BTBD9: variants seen among roughly 807,000 people sequenced by gnomAD.
BTBD9 encodes the protein BTB/POZ domain-containing protein 9.
In BTBD9, 49 loss-of-function variants were observed where a neutral mutation model predicts 64.3. That is an observed-to-expected ratio of 0.76 (90% CI 0.61 to 0.97). BTBD9 has a LOEUF of 0.97. Among genes scored for constraint, BTBD9 ranks in the 50% least tolerant of loss-of-function variants. The pLI is 0.00. For synonymous variants in BTBD9, 260 were observed against 274.7 expected, an observed-to-expected ratio of 0.95 and a Z score of 0.53; for missense variants, 598 against 762.1, an observed-to-expected ratio of 0.78 and a Z score of 2.53.
At chr6:38,408,694 A>G (rs2127254088) in intron 6 of BTBD9, among the ~76,000 whole-genome samples, 1 of 152,346 alleles carries the variant, frequency 6.6e-6, no homozygotes, top group South Asian at 2.1e-4. Flanking sequence ...AGAATCAACA[A>G]AAAAAGAATA....
chr6:38,495,903 TTTAAGTA>T (rs1273352307), intron 6 of BTBD9, among the ~76,000 whole-genome samples: 2 of 152,204 alleles, frequency 1.3e-5, no homozygotes, highest in African/African-American at 4.8e-5. Context: ...TTTCTTCATG[TTTAAGTA>T]TTAAGAGCAG....
chr6:38,527,145 A>T (rs1039450198), intron 6 of BTBD9, among the ~76,000 whole-genome samples: 3 of 151,628 alleles, frequency 2.0e-5, no homozygotes, highest in South Asian at 2.1e-4. Context: ...GCATGGTGGC[A>T]TGTACCTGTA....
intron 10 of BTBD9, among the ~76,000 whole-genome samples, chr6:38,189,715 C>T (rs755870768): frequency 3.3e-5 from 5 of 151,886 alleles, no homozygotes; most frequent in African/African-American, 7.2e-5. Context: ...GTTCTGTTGC[C>T]GAGGCTGGAG....
At chr6:38,363,340 T>G (rs1259959033) in intron 6 of BTBD9, among the ~76,000 whole-genome samples, 1 of 152,202 alleles carries the variant, frequency 6.6e-6, no homozygotes, top group African/African-American at 2.4e-5. Context: ...GGAGGACTGC[T>G]TGAGGCCAGG....
chr6:38,500,527 C>T (rs568310178), intron 6 of BTBD9, among the ~76,000 whole-genome samples: 2 of 152,310 alleles, frequency 1.3e-5, no homozygotes, highest in East Asian at 1.9e-4. Context: ...TCACTCCTCC[C>T]TTTGCACTAT....
intron 6 of BTBD9, among the ~76,000 whole-genome samples, chr6:38,530,070 A>G (rs1179884171): frequency 6.6e-6 from 1 of 152,130 alleles, no homozygotes; most frequent in African/African-American, 2.4e-5. Context: ...AGGTCTATAA[A>G]CAGCCACTCT....
chr6:38,505,621 C>T (rs962072150), intron 6 of BTBD9, among the ~76,000 whole-genome samples: 1 of 148,406 alleles, frequency 6.7e-6, no homozygotes, highest in African/African-American at 2.5e-5. Flanking sequence ...GAGACTCTGT[C>T]TCAAGAAAAA....
At chr6:38,349,410 T>TC (rs1764413518) in intron 6 of BTBD9, among the ~76,000 whole-genome samples, 1 of 152,044 alleles carries the variant, frequency 6.6e-6, no homozygotes, top group African/African-American at 2.4e-5. Context: ...CAGTAGTTAG[T>TC]CCCCCCTTAT....
rs1196845559 is a variant in BTBD9, at chr6:38,353,638, A to G, written c.1155-8545T>C. 3.3e-5 allele frequency among the ~76,000 whole-genome samples: 5 copies of G among 152,302 alleles called. No homozygotes were observed. In the East Asian group the frequency reaches 9.6e-4, roughly 29 times the overall value. ...AATTTACCAAAAGTTCAACATTTGC[A>G]TTTTTTCACTACTTTTCCCCTAGCC... On this transcript the variant is annotated intron_variant, in intron 6 of 10. Transcript: ENST00000481247.
intron 6 of BTBD9, among the ~76,000 whole-genome samples, chr6:38,548,203 A>T (rs181039348): frequency 6.6e-6 from 1 of 152,320 alleles, no homozygotes; most frequent in African/African-American, 2.4e-5. Flanking sequence ...ATTTTCAGTA[A>T]GAAGTGATAG....
intron 7 of BTBD9, among the ~76,000 whole-genome samples, chr6:38,329,323 CTTTTTTTT>C (rs201597571): frequency 3.0e-5 from 4 of 132,712 alleles, no homozygotes; most frequent in Non-Finnish European, 6.6e-5. Flanking sequence ...CCTTTTTTTC[CTTTTTTTT>C]TTTTTTTTTG....
At chr6:38,567,680 G>A (rs1775583449) in intron 6 of BTBD9, among the ~76,000 whole-genome samples, 1 of 152,106 alleles carries the variant, frequency 6.6e-6, no homozygotes, top group Non-Finnish European at 1.5e-5. Flanking sequence ...CAAGCAATCT[G>A]GTTTTACTTC....
At chr6:38,425,096 G>A (rs1015084008) in intron 6 of BTBD9, among the ~76,000 whole-genome samples, 11 of 143,564 alleles carry the variant, frequency 7.7e-5, no homozygotes, top group Non-Finnish European at 1.2e-4. Context: ...GATTACAGGT[G>A]TGAGCCACCG....
chr6:38,379,807 AC>A (rs1765854369), intron 6 of BTBD9, among the ~76,000 whole-genome samples: 1 of 152,220 alleles, frequency 6.6e-6, no homozygotes, highest in South Asian at 2.1e-4. Flanking sequence ...TACTTTTACT[AC>A]AAATTGTAAC....
At chr6:38,248,419 G>A (rs1764282119) in intron 9 of BTBD9, among the ~76,000 whole-genome samples, 1 of 152,200 alleles carries the variant, frequency 6.6e-6, no homozygotes, top group African/African-American at 2.4e-5. Flanking sequence ...TTTGCGAGGG[G>A]CACAGTTTTG....
At chr6:38,267,919 G>A (rs555705834) in intron 8 of BTBD9, among the ~76,000 whole-genome samples, 5 of 152,256 alleles carry the variant, frequency 3.3e-5, no homozygotes, top group South Asian at 2.1e-4. Flanking sequence ...CAGCCTGGGT[G>A]ACAGAGCGAG....
intron 9 of BTBD9, among the ~76,000 whole-genome samples, chr6:38,222,495 G>A (rs554439161): frequency 1.5e-4 from 23 of 151,890 alleles, no homozygotes; most frequent in Non-Finnish European, 2.4e-4. Context: ...TCCTGACCTC[G>A]TGATCCGCCC....
chr6:38,563,880 C>T (rs187642888), intron 6 of BTBD9, among the ~76,000 whole-genome samples: 42 of 151,718 alleles, frequency 2.8e-4, no homozygotes, highest in African/African-American at 9.4e-4. Flanking sequence ...CTCCCGGTTC[C>T]ATGCCATTAT....
At chr6:38,554,173 GAGA>G (rs981199867) in intron 6 of BTBD9, among the ~76,000 whole-genome samples, 4 of 152,134 alleles carry the variant, frequency 2.6e-5, no homozygotes, top group South Asian at 2.1e-4. Flanking sequence ...CCATAAAATA[GAGA>G]AGAAGGAGTC....
Sources: gnomAD v4.1 joint callset for allele counts (sites outside exome capture counted in the v4.1 genomes callset) on GRCh38, gnomAD v4.1.1 for gene constraint, MANE v1.5 for transcripts, NCBI Gene and HGNC (gene_info 2026-07-23, HGNC 2026-07-21) for gene names.